Variants in CHRM3 observed in about 807,000 individuals in gnomAD.
CHRM3 encodes the protein muscarinic acetylcholine receptor M3.
Under a neutral mutation model 41.8 loss-of-function variants are expected in CHRM3, and 11 were observed. The observed-to-expected ratio is 0.26, with a 90% confidence interval of 0.17 to 0.44. CHRM3 has a LOEUF of 0.44. CHRM3 is among the 20% of genes least tolerant of loss of function. The pLI is 1.00. For synonymous variants in CHRM3, 297 were observed against 301.4 expected, an observed-to-expected ratio of 0.99 and a Z score of 0.15; for missense variants, 571 against 745.4, an observed-to-expected ratio of 0.77 and a Z score of 2.72.
At chr1:239,390,804 T>C (rs565586603) in intron 1 of CHRM3, among the ~76,000 whole-genome samples, 1 of 152,258 alleles carries the variant, frequency 6.6e-6, no homozygotes, top group African/African-American at 2.4e-5. Flanking sequence ...CCCCAGACAG[T>C]ATAGATCTCC....
At chr1:239,752,868 A>G (rs2148591843) in intron 5 of CHRM3, among the ~76,000 whole-genome samples, 1 of 152,320 alleles carries the variant, frequency 6.6e-6, no homozygotes, top group Admixed American at 6.5e-5. Flanking sequence ...TCAAACAGGA[A>G]AGAAGAATTA....
intron 5 of CHRM3, among the ~76,000 whole-genome samples, chr1:239,686,922 AT>A (rs1385665481): frequency 2.6e-5 from 4 of 152,182 alleles, no homozygotes; most frequent in African/African-American, 9.6e-5. Context: ...GCTTTCTAAG[AT>A]TTTAATAGCT....
At chr1:239,456,879 C>T (rs1664982166) in intron 1 of CHRM3, among the ~76,000 whole-genome samples, 1 of 152,144 alleles carries the variant, frequency 6.6e-6, no homozygotes, top group African/African-American at 2.4e-5. Context: ...CTGTACTGAC[C>T]CAAGTATAAA....
At chr1:239,550,614 T>C (rs1659721358) in intron 3 of CHRM3, among the ~76,000 whole-genome samples, 4 of 152,208 alleles carry the variant, frequency 2.6e-5, no homozygotes, top group Admixed American at 2.0e-4. Context: ...CTGTAAAAAG[T>C]ATGACCAGAA....
chr1:239,747,551 C>T (rs1037978982), intron 5 of CHRM3, among the ~76,000 whole-genome samples: 1 of 152,048 alleles, frequency 6.6e-6, no homozygotes, highest in African/African-American at 2.4e-5. Context: ...CCCCATTAAG[C>T]CTGTTCTTGC....
At chr1:239,601,682 A>T (rs907289968) in intron 3 of CHRM3, among the ~76,000 whole-genome samples, 1 of 152,202 alleles carries the variant, frequency 6.6e-6, no homozygotes. Context: ...TACAAGAGAT[A>T]AATAAAATAT....
chr1:239,643,837 G>A (rs1303733880), intron 4 of CHRM3, among the ~76,000 whole-genome samples: 2 of 152,208 alleles, frequency 1.3e-5, no homozygotes, highest in East Asian at 1.9e-4. Flanking sequence ...AGGTGGAAAT[G>A]CAGAAATCAC....
chr1:239,470,772 GT>G (rs1666061871), intron 1 of CHRM3, among the ~76,000 whole-genome samples: 1 of 152,096 alleles, frequency 6.6e-6, no homozygotes, highest in South Asian at 2.1e-4. Context: ...ACATGGCATT[GT>G]TTTGTGTTTT....
intron 6 of CHRM3, among the ~76,000 whole-genome samples, chr1:239,846,903 T>C (rs1674313220): frequency 6.6e-6 from 1 of 152,170 alleles, no homozygotes; most frequent in Non-Finnish European, 1.5e-5. Context: ...ATATAAATGA[T>C]CTTATTTATT....
At chr1:239,670,279 A>C (rs1674227308) in intron 4 of CHRM3, among the ~76,000 whole-genome samples, 1 of 152,076 alleles carries the variant, frequency 6.6e-6, no homozygotes, top group Admixed American at 6.6e-5. Context: ...CCCAGGAAAA[A>C]TGCTTTTCTG....
At chr1:239,729,287 T>A (rs776914485) in intron 5 of CHRM3, among the ~76,000 whole-genome samples, 1 of 151,882 alleles carries the variant, frequency 6.6e-6, no homozygotes, top group Non-Finnish European at 1.5e-5. Flanking sequence ...CACAGTGTGA[T>A]GTACACATAA....
chr1:239,836,526 T>C (rs1228130353), intron 6 of CHRM3, among the ~76,000 whole-genome samples: 1 of 152,232 alleles, frequency 6.6e-6, no homozygotes, highest in Non-Finnish European at 1.5e-5. Flanking sequence ...AATAACACTA[T>C]GCTCTGCTAG....
intron 5 of CHRM3, among the ~76,000 whole-genome samples, chr1:239,819,854 C>A (rs1279209843): frequency 3.3e-5 from 5 of 152,108 alleles, no homozygotes; most frequent in Non-Finnish European, 7.3e-5. Context: ...GAAGAAGAGA[C>A]AATGTGATTG....
At chr1:239,599,764 A>C (rs542156725) in intron 3 of CHRM3, among the ~76,000 whole-genome samples, 2 of 152,202 alleles carry the variant, frequency 1.3e-5, no homozygotes, top group South Asian at 4.1e-4. Context: ...CATCTAACAC[A>C]AAACCTATTT....
intron 5 of CHRM3, among the ~76,000 whole-genome samples, chr1:239,804,281 A>G (rs138645247): frequency 2.0e-4 from 30 of 152,296 alleles, no homozygotes; most frequent in African/African-American, 7.2e-4. Context: ...CATGATCATG[A>G]GGAGAAATTG....
At chr1:239,859,366 T>G (rs1398836205) in intron 6 of CHRM3, among the ~76,000 whole-genome samples, 1 of 152,082 alleles carries the variant, frequency 6.6e-6, no homozygotes, top group East Asian at 1.9e-4. Flanking sequence ...CAAATGAAGT[T>G]GAGCATCTTT....
intron 1 of CHRM3, among the ~76,000 whole-genome samples, chr1:239,411,493 G>T (rs1475524121): frequency 6.6e-6 from 1 of 152,054 alleles, no homozygotes; most frequent in African/African-American, 2.4e-5. Context: ...TTGGGAGGCC[G>T]AGGTGGGTGG....
chr1:239,505,142 T>C (rs534865537), intron 2 of CHRM3, among the ~76,000 whole-genome samples: 42 of 152,310 alleles, frequency 2.8e-4, no homozygotes, highest in Middle Eastern at 3.4e-3. Context: ...TTGCCTTTGT[T>C]TCTTCAGCTT....
chr1:239,872,460 G>A (rs908669655), intron 6 of CHRM3, among the ~76,000 whole-genome samples: 1 of 152,112 alleles, frequency 6.6e-6, no homozygotes, highest in Non-Finnish European at 1.5e-5. Flanking sequence ...TCCTCCCAAA[G>A]AGAACTAAAC....
Sources: allele counts gnomAD v4.1 joint callset (sites outside exome capture counted in the v4.1 genomes callset), GRCh38; gene constraint gnomAD v4.1.1; transcripts MANE v1.5; gene names NCBI Gene and HGNC (gene_info 2026-07-23, HGNC 2026-07-21).